Variants in DAND5 observed in about 807,000 individuals in gnomAD.
The protein encoded by DAND5 is DAN domain BMP antagonist family member 5.
Under a neutral mutation model 9.2 loss-of-function variants are expected in DAND5, and 8 were observed. That is an observed-to-expected ratio of 0.87 (90% CI 0.51 to 1.56). The LOEUF is 1.56. DAND5 is among the 40% of genes most tolerant of loss of function. The probability of loss-of-function intolerance (pLI) is 0.00; values close to 1 mark genes in which losing one functional copy is unlikely to be tolerated. For missense variants in DAND5, 244 were observed against 244.7 expected, an observed-to-expected ratio of 1.00 and a Z score of 0.02; for synonymous variants, 95 against 101.1, an observed-to-expected ratio of 0.94 and a Z score of 0.36.
chr19:12,971,372 G>A (rs1187255224), intron 1 of DAND5, among the ~76,000 whole-genome samples: 3 of 151,936 alleles, frequency 2.0e-5, no homozygotes, highest in African/African-American at 7.3e-5. Flanking sequence ...TCCGCCTCCC[G>A]GGTTCAAGCG....
intron 1 of DAND5, chr19:12,970,661 CCTTT>C (rs960920271): frequency 3.0e-4 from 129 of 423,784 alleles, no homozygotes; most frequent in South Asian, 3.1e-4. Flanking sequence ...TTCTTTCTTT[CCTTT>C]CTTTCTTTCT....
intron 1 of DAND5, among the ~76,000 whole-genome samples, chr19:12,973,070 G>A (rs984910732): frequency 6.6e-6 from 1 of 151,308 alleles, no homozygotes; most frequent in Non-Finnish European, 1.5e-5. Context: ...CACCGTGTTG[G>A]CCAGGATGGT....
chr19:12,972,514 A>T (rs1216197749), intron 1 of DAND5, among the ~76,000 whole-genome samples: 1 of 151,322 alleles, frequency 6.6e-6, no homozygotes, highest in African/African-American at 2.4e-5. Context: ...GCCTAAAGTG[A>T]TTTCTTCTTT....
chr19:12,973,411 C>CCGG lies in DAND5; in HGVS notation c.347_348insCGG (p.Ser116_Ala117insGly). 1 of 1,614,086 alleles carries CCGG rather than the reference C, an allele frequency of 6.2e-7. No homozygotes were observed. The highest frequency in any genetic ancestry group is 8.5e-7 in the Non-Finnish European group (1 of 1,180,020). On this transcript the variant is annotated inframe_insertion, in exon 2 of 2. Coordinates refer to ENST00000317060, the MANE Select transcript of DAND5 (RefSeq NM_152654.3). The stretch of plus-strand genomic sequence containing the variant: ...CAGGTGTTCTCCCGGCCCGGCTGCT[C>CCGG]AGCCATACGCCTCCGAAATCATCTG...
chr19:12,971,998 C>T (rs992891845), intron 1 of DAND5, among the ~76,000 whole-genome samples: 1 of 152,056 alleles, frequency 6.6e-6, no homozygotes, highest in Non-Finnish European at 1.5e-5. Context: ...TCAAGCAATC[C>T]TCCTGCCTCA....
intron 1 of DAND5, among the ~76,000 whole-genome samples, chr19:12,973,084 G>T (rs567380183): frequency 7.3e-5 from 11 of 151,242 alleles, no homozygotes; most frequent in South Asian, 2.1e-4. Flanking sequence ...GGATGGTCTC[G>T]ATCTGCTGAC....
chr19:12,973,000 C>T (rs912071378), intron 1 of DAND5, among the ~76,000 whole-genome samples: 8 of 151,270 alleles, frequency 5.3e-5, no homozygotes, highest in Admixed American at 4.6e-4. Context: ...GTAGCTGGGA[C>T]TACAGGCGCC....
intron 1 of DAND5, 25 bp downstream of exon 1, chr19:12,970,009 G>C (rs1599679184): frequency 1.2e-6 from 2 of 1,611,936 alleles, no homozygotes; most frequent in Admixed American, 3.3e-5. Context: ...GTGGGGAGGA[G>C]AGGGCTGGGT....
At chr19:12,970,421 C>G (rs769305614) in intron 1 of DAND5, 12 of 699,148 alleles carry the variant, frequency 1.7e-5, no homozygotes, top group Middle Eastern at 2.3e-4. Context: ...TCCTTTTCCT[C>G]AGACACCAAC....
rs931948218 is a variant in DAND5, at chr19:12,973,282, G to A, written c.325-107G>A. The A allele has an allele frequency of 2.8e-5, 42 of 1,483,790 alleles. No homozygotes were observed. The African/African-American group carries it at 5.1e-4, about 18-fold the overall frequency. The allele number at this position is 1,483,790 out of a possible 1,614,324, so 91.9% of individuals were successfully genotyped here. A position where few individuals can be genotyped will look rare whatever the true frequency, so the allele number is the denominator to read the frequency against. On this transcript the variant is annotated intron_variant, in intron 1 of 1. Transcript: ENST00000317060. ...GGATTTGAACCCAGGCAGCCTGGCT[G>A]CAGCATCCATGCCTGTCAAGGTGGG...
chr19:12,973,063 C>A (rs113798490), intron 1 of DAND5, among the ~76,000 whole-genome samples: 9 of 151,540 alleles, frequency 5.9e-5, no homozygotes, highest in Non-Finnish European at 1.0e-4. Context: ...GGGGTTTCAC[C>A]GTGTTGGCCA....
intron 1 of DAND5, chr19:12,970,333 ACT>A (rs1303430831): frequency 3.2e-6 from 2 of 623,114 alleles, no homozygotes; most frequent in South Asian, 1.9e-5. Flanking sequence ...AAATTTCTGT[ACT>A]CTCTGATCCT....
In DAND5 at chr19:12,969,635, A is replaced by G; in HGVS notation, c.-26A>G. ...TTGAGCCCAGTCCGGACAGACAGAC[A>G]GGCAGACAGACGCACGGACAAGCAG... is the stretch of plus-strand genomic sequence containing the variant. On this transcript the variant is annotated 5_prime_UTR_variant, in exon 1 of 2. Transcript: ENST00000317060. The G allele has an allele frequency of 6.4e-7, 1 of 1,573,060 alleles. No individual in the cohort carries two copies. The highest frequency in any genetic ancestry group is 8.6e-7 in the Non-Finnish European group (1 of 1,162,314).
chr19:12,973,703 GACGTGGACCTGGATGATGT>G lies in DAND5; in HGVS notation c.*72_*90del. 6.4e-7 allele frequency: 1 copy of G among 1,567,662 alleles called. No homozygotes were observed. Among genetic ancestry groups the G allele is most frequent in the Non-Finnish European group, 8.6e-7 (1 of 1,157,348 alleles). The stretch of plus-strand genomic sequence containing the variant: ...AAATGAGGGGAGATGGACCAAGAAA[GACGTGGACCTGGATGATGT>G]ACTCTGGGTCAAGAGACCAGGGATG... On this transcript the variant is annotated 3_prime_UTR_variant, in exon 2 of 2. Coordinates refer to ENST00000317060, the MANE Select transcript of DAND5 (RefSeq NM_152654.3).
chr19:12,969,695 T>C lies in DAND5; in HGVS notation c.35T>C (p.Leu12Pro). 6.2e-7 allele frequency: 1 copy of C among 1,607,578 alleles called. No individual in the cohort carries two copies. The highest frequency in any genetic ancestry group is 8.5e-7 in the Non-Finnish European group (1 of 1,177,210). The change falls in exon 1 of 2, where the codon CTG (leucine) becomes CCG (proline). Residue 12 changes from leucine (L) to proline (P), a missense_variant. Coordinates refer to ENST00000317060, the MANE Select transcript of DAND5 (RefSeq NM_152654.3). Reference protein sequence around the residue: ...LLGQLSTLLCLLSGALPTGSG... With the variant: ...LLGQLSTLLCPLSGALPTGSG... ...GGCCAGCTATCCACTCTTCTGTGCC[T>C]GCTTAGCGGGGCCCTGCCTACAGGC...
chr19:12,969,979 G>GC lies in DAND5; in HGVS notation c.319_320insC (p.Val107AlafsTer86). On this transcript the variant is annotated frameshift_variant, in exon 1 of 2. Coordinates refer to ENST00000317060, the MANE Select transcript of DAND5 (RefSeq NM_152654.3). LOFTEE classifies it low-confidence loss of function (END_TRUNC). ...GGGGATGTGTAAGGCTGTGCCCTTC[G>GC]TTCAGGTGAGTGGGTGGGTGTGGGG... 2 of 1,613,726 alleles carry GC rather than the reference G, an allele frequency of 1.2e-6. No individual in the cohort carries two copies. The highest frequency in any genetic ancestry group is 1.7e-6 in the Non-Finnish European group (2 of 1,180,012).
intron 1 of DAND5, among the ~76,000 whole-genome samples, chr19:12,972,866 T>C (rs1022925478): frequency 3.9e-4 from 57 of 145,202 alleles, no homozygotes; most frequent in South Asian, 1.1e-3. Flanking sequence ...CTTTTCTTTT[T>C]TTTTTTTTTT....
intron 1 of DAND5, among the ~76,000 whole-genome samples, chr19:12,973,122 A>AG (rs2011155056): frequency 6.6e-6 from 1 of 152,002 alleles, no homozygotes. Context: ...TTGGCCTCCC[A>AG]AAGTGCTGGG....
rs1405700679 is a variant in DAND5, at chr19:12,974,425, T to A, written c.*791T>A. The A allele has an allele frequency of 1.3e-5, 2 of 151,760 alleles. No individual in the cohort carries two copies. Among genetic ancestry groups the A allele is most frequent in the Non-Finnish European group, 2.9e-5 (2 of 67,982 alleles). The allele number at this position is 151,760 out of a possible 1,614,324, so 9.4% of individuals were successfully genotyped here. On this transcript the variant is annotated 3_prime_UTR_variant, in exon 2 of 2. Transcript: ENST00000317060. ...CTGTTAATCATTAGGCTGAACTGTC[T>A]CTTATAGAATGAGGTCAAAGACACT... is the stretch of plus-strand genomic sequence containing the variant.
Sources: allele counts gnomAD v4.1 joint callset (sites outside exome capture counted in the v4.1 genomes callset), GRCh38; gene constraint gnomAD v4.1.1; transcripts MANE v1.5; gene names NCBI Gene and HGNC (gene_info 2026-07-23, HGNC 2026-07-21).